Variants in HDAC9 observed in about 807,000 individuals in gnomAD.
The protein encoded by HDAC9 is MEF-2 interacting transcription repressor (MITR) protein.
A neutral mutation model predicts 139.4 loss-of-function variants in HDAC9; 41 were observed. That is an observed-to-expected ratio of 0.29 (90% CI 0.23 to 0.38). HDAC9 has a LOEUF of 0.38. HDAC9 is among the 10% of genes least tolerant of loss of function. The probability of loss-of-function intolerance (pLI) is 1.00; values close to 1 mark genes in which losing one functional copy is unlikely to be tolerated. For synonymous variants in HDAC9, 517 were observed against 476.2 expected, an observed-to-expected ratio of 1.09 and a Z score of -1.12; for missense variants, 1,147 against 1,297.0, an observed-to-expected ratio of 0.88 and a Z score of 1.78.
intron 2 of HDAC9, among the ~76,000 whole-genome samples, chr7:18,193,315 C>T (rs540813774): frequency 5.0e-4 from 76 of 152,310 alleles, no homozygotes; most frequent in Non-Finnish European, 8.7e-4. Flanking sequence ...CCATTAGCTT[C>T]TACCATTTGT....
At chr7:18,983,270 T>A (rs1042497282) in intron 25 of HDAC9, among the ~76,000 whole-genome samples, 3 of 152,218 alleles carry the variant, frequency 2.0e-5, no homozygotes, top group South Asian at 2.1e-4. Flanking sequence ...TGGTAACATA[T>A]GAAAACATTT....
intron 12 of HDAC9, among the ~76,000 whole-genome samples, chr7:18,685,564 GT>G (rs1279162294): frequency 6.6e-6 from 1 of 151,886 alleles, no homozygotes; most frequent in Non-Finnish European, 1.5e-5. Flanking sequence ...GACCATCTTA[GT>G]TTTAAAAATT....
At chr7:18,316,429 T>C (rs1428002743) in intron 1 of HDAC9, among the ~76,000 whole-genome samples, 1 of 151,974 alleles carries the variant, frequency 6.6e-6, no homozygotes, top group Non-Finnish European at 1.5e-5. Context: ...AAATAATGCA[T>C]TCTATAATGG....
rs187053940 is a variant in HDAC9 at position 18,171,349 on chromosome 7, A to C, written c.25+9000A>C. On this transcript the variant is annotated intron_variant, in intron 2 of 12. Coordinates refer to the HDAC9 transcript ENST00000417496. ...ATCAGCTTAAGGAGATTTTGGGCTG[A>C]GATGATGGGGTTTTCTAAATATACA... Among the ~76,000 whole-genome samples, 1,189 of 152,302 alleles carry C rather than the reference A, an allele frequency of 7.8e-3. 7 individuals carry two copies. Among genetic ancestry groups the C allele is most frequent in the Non-Finnish European group, 0.014 (965 of 68,020 alleles).
chr7:18,723,603 T>C (rs932975590), intron 12 of HDAC9, among the ~76,000 whole-genome samples: 1 of 152,180 alleles, frequency 6.6e-6, no homozygotes, highest in Non-Finnish European at 1.5e-5. Context: ...GCTTACTGAA[T>C]TGTGAAATTT....
intron 2 of HDAC9, among the ~76,000 whole-genome samples, chr7:18,252,470 A>G (rs930867101): frequency 6.6e-6 from 1 of 152,202 alleles, no homozygotes; most frequent in African/African-American, 2.4e-5. Flanking sequence ...TATGTAGGAT[A>G]TATATCCTAC....
In HDAC9 at chr7:18,996,076, C is replaced by G. The variant is rs761599853; in HGVS notation, c.*14C>G. On this transcript the variant is annotated 3_prime_UTR_variant, in exon 26 of 26. Transcript: ENST00000686413. ...CCAGCCTTGTGAAGTGCCAAGTCCC[C>G]CTCTGATATTTCCTGTGTGTGACAT... The G allele has an allele frequency of 3.8e-6, 6 of 1,594,626 alleles. No individual in the cohort carries two copies. In the African/African-American group the frequency reaches 5.4e-5, roughly 14 times the overall value.
At chr7:18,835,874 A>G (rs1353080656) in intron 20 of HDAC9, 26 bp from the exon 21 acceptor site, 1 of 1,450,242 alleles carries the variant, frequency 6.9e-7, no homozygotes, top group Non-Finnish European at 9.5e-7. Flanking sequence ...TTCTCTGCCC[A>G]CCGTGGTGTG....
intron 1 of HDAC9, among the ~76,000 whole-genome samples, chr7:18,410,097 G>A (rs935452825): frequency 6.6e-6 from 1 of 151,998 alleles, no homozygotes; most frequent in Admixed American, 6.6e-5. Flanking sequence ...ACACTAGATT[G>A]TGATTTAGTT....
chr7:18,100,442 A>G (rs112820944), intron 1 of HDAC9, among the ~76,000 whole-genome samples: 2,695 of 152,146 alleles, frequency 0.018, 33 homozygotes, highest in Non-Finnish European at 0.029. Flanking sequence ...AGTTGCATGT[A>G]TATTAGGATC....
At chr7:18,569,925 A>G (rs950810169) in intron 2 of HDAC9, among the ~76,000 whole-genome samples, 2 of 152,192 alleles carry the variant, frequency 1.3e-5, no homozygotes, top group African/African-American at 4.8e-5. Context: ...TCATGCTGTC[A>G]AAAAACAGCT....
At chr7:18,508,290 T>TA (rs1171270094) in intron 2 of HDAC9, among the ~76,000 whole-genome samples, 6 of 152,276 alleles carry the variant, frequency 3.9e-5, no homozygotes, top group Non-Finnish European at 7.4e-5. Context: ...GGTATCTTTC[T>TA]AAAAAAAGTA....
intron 1 of HDAC9, among the ~76,000 whole-genome samples, chr7:18,467,435 T>G (rs1321264178): frequency 6.6e-6 from 1 of 152,194 alleles, no homozygotes; most frequent in Non-Finnish European, 1.5e-5. Flanking sequence ...TTGTTGTTTT[T>G]CCTGCTTTCT....
chr7:18,688,074 T>TAC (rs1164284483), intron 12 of HDAC9, among the ~76,000 whole-genome samples: 2 of 151,822 alleles, frequency 1.3e-5, no homozygotes, highest in South Asian at 2.1e-4. Context: ...TGACTATATA[T>TAC]ACACACACAC....
intron 13 of HDAC9, among the ~76,000 whole-genome samples, chr7:18,742,137 C>T (rs1357430146): frequency 3.9e-5 from 6 of 152,296 alleles, no homozygotes; most frequent in Non-Finnish European, 5.9e-5. Flanking sequence ...GGATTACCTC[C>T]AGTTTTGAAA....
At chr7:18,825,984 T>A in intron 17 of HDAC9, among the ~76,000 whole-genome samples, 1 of 151,534 alleles carries the variant, frequency 6.6e-6, no homozygotes, top group South Asian at 2.1e-4. Context: ...TGGAGGGGAA[T>A]TATACAAATG....
At chr7:18,120,294 T>C (rs1266132624) in intron 1 of HDAC9, among the ~76,000 whole-genome samples, 1 of 152,132 alleles carries the variant, frequency 6.6e-6, no homozygotes, top group Non-Finnish European at 1.5e-5. Flanking sequence ...ACAAGGCCAG[T>C]AGTAGTAAGG....
intron 2 of HDAC9, among the ~76,000 whole-genome samples, chr7:18,242,521 T>G (rs764120032): frequency 2.0e-5 from 3 of 152,220 alleles, no homozygotes; most frequent in Non-Finnish European, 2.9e-5. Flanking sequence ...TTTTCTGGTA[T>G]TCTTCATTTT....
intron 2 of HDAC9, among the ~76,000 whole-genome samples, chr7:18,266,261 T>A (rs1490994137): frequency 6.6e-6 from 1 of 152,180 alleles, no homozygotes; most frequent in Non-Finnish European, 1.5e-5. Context: ...TTTCAAAAAT[T>A]TAAAGTTTTC....
Sources: allele counts gnomAD v4.1 joint callset (sites outside exome capture counted in the v4.1 genomes callset), GRCh38; gene constraint gnomAD v4.1.1; transcripts MANE v1.5; gene names NCBI Gene and HGNC (gene_info 2026-07-23, HGNC 2026-07-21).